Variants in EIPR1 observed in about 807,000 individuals in gnomAD.
The protein encoded by EIPR1 is EARP complex and GARP complex interacting protein 1.
EIPR1 carries 25 observed loss-of-function variants against 48.1 expected under a neutral mutation model. The ratio of observed to expected loss-of-function variants is 0.52; its 90% confidence interval spans 0.38 to 0.73. The LOEUF is 0.73. Among genes scored for constraint, EIPR1 ranks in the 30% least tolerant of loss-of-function variants. The probability of loss-of-function intolerance (pLI) is 0.00; values close to 1 mark genes in which losing one functional copy is unlikely to be tolerated. For missense variants in EIPR1, 415 were observed against 506.2 expected (o/e 0.82, Z 1.73); for synonymous variants, 204 against 201.9 (o/e 1.01, Z -0.09).
chr2:3,271,316 T>A (rs993117628), intron 3 of EIPR1, among the ~76,000 whole-genome samples: 11 of 152,222 alleles, frequency 7.2e-5, no homozygotes, highest in Admixed American at 4.6e-4. Context: ...AAATCGCAAA[T>A]GTTCTTAATG....
At chr2:3,362,697 T>A (rs1670879474) in intron 1 of EIPR1, among the ~76,000 whole-genome samples, 1 of 151,588 alleles carries the variant, frequency 6.6e-6, no homozygotes, top group Non-Finnish European at 1.5e-5. Context: ...AAACTCCATC[T>A]ACAGTGAAAC....
intron 4 of EIPR1, among the ~76,000 whole-genome samples, chr2:3,235,983 A>G (rs1666393063): frequency 6.6e-6 from 1 of 152,130 alleles, no homozygotes; most frequent in Non-Finnish European, 1.5e-5. Flanking sequence ...GGTTTTGCCA[A>G]ATGGGCACTA....
At chr2:3,364,425 T>C (rs1369242717) in intron 1 of EIPR1, among the ~76,000 whole-genome samples, 1 of 150,874 alleles carries the variant, frequency 6.6e-6, no homozygotes, top group African/African-American at 2.4e-5. Context: ...AGCTCAGGAG[T>C]TTGAGACCAG....
chr2:3,354,047 A>T (rs1207289539), intron 2 of EIPR1, among the ~76,000 whole-genome samples: 1 of 152,168 alleles, frequency 6.6e-6, no homozygotes, highest in African/African-American at 2.4e-5. Flanking sequence ...CAGGCCATGA[A>T]CCGAATCCGA....
intron 3 of EIPR1, among the ~76,000 whole-genome samples, chr2:3,306,840 C>T (rs1185243662): frequency 6.6e-6 from 1 of 152,116 alleles, no homozygotes; most frequent in East Asian, 1.9e-4. Flanking sequence ...CCAGTCCAAA[C>T]CCATGTTGTT....
chr2:3,241,147 T>TAGCC (rs1666612599), intron 4 of EIPR1, among the ~76,000 whole-genome samples: 1 of 97,056 alleles, frequency 1.0e-5, no homozygotes, highest in Non-Finnish European at 2.4e-5. Flanking sequence ...TCCTCAGGAA[T>TAGCC]AGCCAGCAGA....
At chr2:3,200,861 G>A (rs530208567) in intron 5 of EIPR1, among the ~76,000 whole-genome samples, 4 of 152,166 alleles carry the variant, frequency 2.6e-5, no homozygotes, top group Non-Finnish European at 5.9e-5. Context: ...CAGGGTCCAG[G>A]CCAGCTGTCA....
At chr2:3,363,632 C>A (rs1379543974) in intron 1 of EIPR1, among the ~76,000 whole-genome samples, 2 of 152,044 alleles carry the variant, frequency 1.3e-5, no homozygotes, top group Admixed American at 6.5e-5. Flanking sequence ...CTGCAATGAG[C>A]AGAGACTGCA....
chr2:3,317,750 G>A (rs1223005028), intron 3 of EIPR1, among the ~76,000 whole-genome samples: 2 of 152,194 alleles, frequency 1.3e-5, no homozygotes, highest in Non-Finnish European at 1.5e-5. Context: ...GGTGGGTCCT[G>A]GGTCCCTATG....
chr2:3,298,722 G>A (rs1668673832), intron 3 of EIPR1, among the ~76,000 whole-genome samples: 3 of 152,160 alleles, frequency 2.0e-5, no homozygotes, highest in East Asian at 3.9e-4. Flanking sequence ...CCAAAGAGGG[G>A]CCGTGTTCTC....
intron 4 of EIPR1, among the ~76,000 whole-genome samples, chr2:3,235,268 G>A (rs6548135): frequency 0.91 from 139,221 of 152,306 alleles, 64,125 homozygotes; most frequent in East Asian, 0.98. Flanking sequence ...TGGAGCCACA[G>A]GAATAGGTCA....
At chr2:3,292,626 C>T (rs141089820) in intron 3 of EIPR1, among the ~76,000 whole-genome samples, 2 of 152,296 alleles carry the variant, frequency 1.3e-5, no homozygotes, top group East Asian at 1.9e-4. Flanking sequence ...GTGCCAGAGC[C>T]GGAACTCAAA....
intron 3 of EIPR1, among the ~76,000 whole-genome samples, chr2:3,293,120 T>A (rs1668419201): frequency 6.6e-6 from 1 of 152,186 alleles, no homozygotes; most frequent in South Asian, 2.1e-4. Context: ...CACAGAACAA[T>A]CTCGACAAAC....
In EIPR1 at chr2:3,317,217, G is replaced by C. The variant is rs548623462; in HGVS notation, c.259+20800C>G. Among the ~76,000 whole-genome samples the C allele has an allele frequency of 3.9e-5, 6 of 151,910 alleles. No homozygotes were observed. The South Asian group carries it at 1.2e-3, about 32-fold the overall frequency. On this transcript the variant is annotated intron_variant, in intron 3 of 8. Coordinates refer to ENST00000382125, the MANE Select transcript of EIPR1 (RefSeq NM_003310.5). The stretch of plus-strand genomic sequence containing the variant: ...CATGGGGTGGAGCACAGAGACCCAG[G>C]AGCACATGAGGCACTGACCAAGCTG...
intron 3 of EIPR1, among the ~76,000 whole-genome samples, chr2:3,260,938 C>T (rs1667316463): frequency 6.6e-6 from 1 of 152,190 alleles, no homozygotes; most frequent in Admixed American, 6.5e-5. Flanking sequence ...GAGTGTAAAA[C>T]AGTACACACA....
At chr2:3,204,168 C>T (rs1394661112) in intron 5 of EIPR1, among the ~76,000 whole-genome samples, 1 of 152,202 alleles carries the variant, frequency 6.6e-6, no homozygotes, top group Non-Finnish European at 1.5e-5. Context: ...CGGGCTGTGG[C>T]CCCCCTTACT....
At chr2:3,250,697 G>C (rs1322582732) in intron 4 of EIPR1, among the ~76,000 whole-genome samples, 3 of 152,170 alleles carry the variant, frequency 2.0e-5, no homozygotes, top group Admixed American at 6.5e-5. Flanking sequence ...TGGACCACAG[G>C]GGCGGATCCC....
chr2:3,225,926 T>C (rs1666050799), intron 4 of EIPR1, among the ~76,000 whole-genome samples: 1 of 152,248 alleles, frequency 6.6e-6, no homozygotes. Flanking sequence ...CTTAGCATAA[T>C]GTCCTCCAGG....
chr2:3,265,558 T>C (rs1667460699), intron 3 of EIPR1, among the ~76,000 whole-genome samples: 1 of 152,188 alleles, frequency 6.6e-6, no homozygotes, highest in African/African-American at 2.4e-5. Flanking sequence ...TTTATCTATG[T>C]TTTTCACACG....
Sources: allele counts gnomAD v4.1 joint callset (sites outside exome capture counted in the v4.1 genomes callset), GRCh38; gene constraint gnomAD v4.1.1; transcripts MANE v1.5; gene names NCBI Gene and HGNC (gene_info 2026-07-23, HGNC 2026-07-21).